KLK7: variants seen among roughly 807,000 people sequenced by gnomAD.
KLK7 encodes kallikrein-7.
A neutral mutation model predicts 21.0 loss-of-function variants in KLK7; 17 were observed. The observed-to-expected ratio is 0.81, with a 90% CI of 0.55 to 1.21. KLK7 has a LOEUF of 1.21. Among genes scored for constraint, KLK7 ranks in the 50% most tolerant of loss-of-function variants. The pLI, the probability that KLK7 is intolerant of heterozygous loss-of-function variation, is 0.00. For synonymous variants in KLK7, 151 were observed against 134.6 expected (o/e 1.12, Z -0.85); for missense variants, 330 against 322.8 (o/e 1.02, Z -0.17).
At chr19:50,978,889 G>A (rs901221266) in intron 5 of KLK7, among the ~76,000 whole-genome samples, 5 of 118,548 alleles carry the variant, frequency 4.2e-5, no homozygotes, top group Non-Finnish European at 8.5e-5. Context: ...AAAAAAGAGA[G>A]AGCAGGGGGG....
Position 50,976,901 on chromosome 19 carries a change from C to T in KLK7, c.*635G>A, listed in dbSNP as rs528359481. ...TAGTAAAAATACACAAAAAATTAGC[C>T]TGGTGTGGTGGTGCACACCTGTAGT... is the stretch of plus-strand genomic sequence containing the variant. On this transcript the variant is annotated 3_prime_UTR_variant, in exon 6 of 6. Coordinates refer to ENST00000595820, the MANE Select transcript of KLK7 (RefSeq NM_005046.4). 1 of 152,302 alleles carries T rather than the reference C, an allele frequency of 6.6e-6. No homozygotes were observed. The highest frequency in any genetic ancestry group is 6.5e-5 in the Admixed American group (1 of 15,294). The allele number at this position is 152,302 out of a possible 1,614,324, so 9.4% of individuals were successfully genotyped here. A position where few individuals can be genotyped will look rare whatever the true frequency, so the allele number is the denominator to read the frequency against.
intron 5 of KLK7, 37 bp from the exon 6 acceptor site, chr19:50,977,728 A>G (rs772516769): frequency 6.2e-7 from 1 of 1,602,340 alleles, no homozygotes; most frequent in Admixed American, 1.7e-5. Context: ...CTTTGGCTTC[A>G]GATCAAAGCC....
chr19:50,977,294 A>C lies in KLK7; in HGVS notation c.*242T>G. 4.0e-6 allele frequency: 2 copies of C among 500,468 alleles called. No homozygotes were observed. Among genetic ancestry groups the C allele is most frequent in the Non-Finnish European group, 7.1e-6 (2 of 280,808 alleles). The allele number at this position is 500,468 out of a possible 1,614,324, so 31.0% of individuals were successfully genotyped here. A position where few individuals can be genotyped will look rare whatever the true frequency, so the allele number is the denominator to read the frequency against. On this transcript the variant is annotated 3_prime_UTR_variant, in exon 6 of 6. Coordinates refer to ENST00000595820, the MANE Select transcript of KLK7 (RefSeq NM_005046.4). ...TTCCGTAAAGACTGTACGAACGTCC[A>C]GTTCCAGTGTTTGAGAGTGCTGGTC...
rs1165671685 is a variant in KLK7, at chr19:50,979,875, G to C, written c.519C>G (p.Pro173=). 1 of 1,591,374 alleles carries C rather than the reference G, an allele frequency of 6.3e-7. No individual in the cohort carries two copies. The highest frequency in any genetic ancestry group is 1.3e-5 in the African/African-American group (1 of 74,634). The part of the protein sequence containing the change: ...LMCVDVKLIS[P]QDCTKVYKDL... ...CCTTGTAAACCTTCGTGCAGTCCTG[G>C]GGGGAGATGAGCTTGACATCCACGC... The change falls in exon 5 of 6, where the codon CCC becomes CCG. Residue 173 remains proline, a synonymous_variant. Coordinates refer to ENST00000595820, the MANE Select transcript of KLK7 (RefSeq NM_005046.4).
In KLK7 at chr19:50,979,840, T is replaced by C. The variant is rs373828648; in HGVS notation, c.554A>G (p.Glu185Gly). 76 of 1,581,168 alleles carry C rather than the reference T, an allele frequency of 4.8e-5. No homozygotes were observed. The Middle Eastern group carries it at 5.0e-4, about 10-fold the overall frequency. ...GATGCCAGCGCACAGCATGGAATTT[T>C]CCAGTAAGTCCTTGTAAACCTTCGT... ...DCTKVYKDLL[E>G]NSMLCAGIPD... Residue 185 changes from glutamate (E) to glycine (G), a missense_variant, in exon 5 of 6, where the codon GAA becomes GGA. Transcript: ENST00000595820.
chr19:50,977,584 C>G lies in KLK7; in HGVS notation c.714G>C (p.Val238=), dbSNP rs1654528. 0.065 allele frequency: 104,734 copies of G among 1,613,698 alleles called. 5,223 individuals carry two copies. Among genetic ancestry groups the G allele is most frequent in the African/African-American group, 0.27 (19,972 of 74,924 alleles). The change falls in exon 6 of 6, where the codon GTG becomes GTC. Residue 238 remains valine (V), a synonymous_variant. Transcript: ENST00000595820. ...QPNDPGVYTQ[V]CKFTKWINDT... ...CATTTATCCACTTGGTGAACTTGCA[C>G]ACTTGAGTGTAGACTCCTGGGTCAT...
chr19:50,981,647 GGA>G, intron 3 of KLK7, 118 bp downstream of exon 3: 2 of 950,818 alleles, frequency 2.1e-6, no homozygotes, highest in Non-Finnish European at 3.1e-6. Flanking sequence ...CCCAGAGAGA[GGA>G]GGACAGAGAC....
At position 50,977,656 on chromosome 19, in the gene KLK7, G is replaced by T. The variant is rs1349782110; in HGVS notation, c.642C>A (p.Thr214=). ...TTCCCCAGGACACCAGACCTTGCAG[G>T]GTACCTCTGCACACCAACGGTCCCC... ...DSGGPLVCRG[T]LQGLVSWGTF... The change falls in exon 6 of 6, where the codon ACC becomes ACA. Residue 214 remains threonine, a synonymous_variant. Transcript: ENST00000595820. 6.2e-7 allele frequency: 1 copy of T among 1,613,574 alleles called. No homozygotes were observed. The highest frequency in any genetic ancestry group is 1.7e-5 in the Admixed American group (1 of 60,008).
chr19:50,982,404 C>G lies in KLK7; in HGVS notation c.-5G>C, dbSNP rs1332645122. 2 of 1,604,992 alleles carry G rather than the reference C, an allele frequency of 1.2e-6. No homozygotes were observed. Among genetic ancestry groups the G allele is most frequent in the South Asian group, 1.1e-5 (1 of 89,254 alleles). The stretch of plus-strand genomic sequence containing the variant: ...CAGGAGAAGGGATCTTGCCATGGTG[C>G]CCTGCTGAGCCGCTCAGGGGCTGCC... On this transcript the variant is annotated 5_prime_UTR_variant, in exon 2 of 6. Coordinates refer to ENST00000595820, the MANE Select transcript of KLK7 (RefSeq NM_005046.4).
chr19:50,982,526 T>TC, intron 1 of KLK7, 69 bp from the exon 2 acceptor site: 8 of 1,252,262 alleles, frequency 6.4e-6, no homozygotes, highest in Non-Finnish European at 8.2e-6. Flanking sequence ...CCCCAGCCCC[T>TC]CCCCCCACAG....
intron 1 of KLK7, among the ~76,000 whole-genome samples, 184 bp from the exon 2 acceptor site, chr19:50,982,641 C>T (rs2091099372): frequency 6.7e-6 from 1 of 149,306 alleles, no homozygotes; most frequent in South Asian, 2.1e-4. Context: ...CCCCTCCTCC[C>T]TCAGACCCAG....
At chr19:50,983,661 T>C in intron 1 of KLK7, 190 bp downstream of exon 1, 1 of 798,710 alleles carries the variant, frequency 1.3e-6, no homozygotes, top group Non-Finnish European at 1.7e-6. Context: ...TGCCCTTCCC[T>C]GTGGAACCCA....
At chr19:50,984,007 A>AC (rs1212831260), upstream of KLK7, 13 of 1,041,444 alleles carry the variant, frequency 1.2e-5, no homozygotes, top group Admixed American at 4.9e-5. Flanking sequence ...ACTCTGGGAC[A>AC]CCCCCGCCTG....
intron 2 of KLK7, 135 bp downstream of exon 2, chr19:50,982,191 CG>C: frequency 1.7e-6 from 2 of 1,166,740 alleles, no homozygotes; most frequent in Non-Finnish European, 2.5e-6. Flanking sequence ...GCAGGAAGAG[CG>C]GGGGCTTCAG....
Position 50,981,855 on chromosome 19 carries a change from C to G in KLK7, c.133G>C (p.Val45Leu). The change falls in exon 3 of 6, where the codon GTG becomes CTG. Residue 45 changes from valine (V) to leucine (L), a missense_variant. By Grantham distance (32) the Val-to-Leu change is conservative. Coordinates refer to ENST00000595820, the MANE Select transcript of KLK7 (RefSeq NM_005046.4). Reference sequence around the variant, plus strand: ...AGCTGATTGCCACTGAGCAGGGCCACCTGCCATGGGTGGGAGCCTCTTGCA... The same window carrying G: ...AGCTGATTGCCACTGAGCAGGGCCAGCTGCCATGGGTGGGAGCCTCTTGCA... ...PCARGSHPWQ[V>L]ALLSGNQLHC... 1.2e-6 allele frequency: 2 copies of G among 1,611,796 alleles called. No homozygotes were observed. Among genetic ancestry groups the G allele is most frequent in the South Asian group, 1.1e-5 (1 of 90,090 alleles).
At chr19:50,977,843 G>A (rs2091048860) in intron 5 of KLK7, 152 bp from the exon 6 acceptor site, 1 of 803,120 alleles carries the variant, frequency 1.2e-6, no homozygotes, top group South Asian at 1.8e-5. Flanking sequence ...GGACTAATGG[G>A]AGAGCTAGTG....
chr19:50,983,706 G>A, intron 1 of KLK7, 145 bp downstream of exon 1: 4 of 1,129,040 alleles, frequency 3.5e-6, no homozygotes, highest in Non-Finnish European at 4.5e-6. Context: ...TTCCCTAAAA[G>A]GCCCCAAATT....
intron 5 of KLK7, 125 bp from the exon 6 acceptor site, chr19:50,977,816 A>G: frequency 2.1e-6 from 2 of 948,606 alleles, no homozygotes; most frequent in South Asian, 3.3e-5. Context: ...CAATGAGAAG[A>G]GACTCATTGT....
Position 50,979,819 on chromosome 19 carries a change from C to T in KLK7, c.575G>A (p.Gly192Asp). The T allele has an allele frequency of 1.3e-6, 2 of 1,575,362 alleles. No individual in the cohort carries two copies. ...GGCGTTTTTCTTGGAGTCGGGGATG[C>T]CAGCGCACAGCATGGAATTTTCCAG... is the stretch of plus-strand genomic sequence containing the variant. ...DLLENSMLCAGIPDSKKNACN... is the reference protein window; with the variant it reads ...DLLENSMLCADIPDSKKNACN... The change falls in exon 5 of 6, where the codon GGC (glycine) becomes GAC (aspartate). Residue 192 changes from glycine (G) to aspartate (D), a missense_variant. Gly to Asp is a moderately conservative substitution (Grantham distance 94, BLOSUM62 -1). Transcript: ENST00000595820.
Sources: allele counts gnomAD v4.1 joint callset (sites outside exome capture counted in the v4.1 genomes callset), GRCh38; gene constraint gnomAD v4.1.1; transcripts MANE v1.5; gene names NCBI Gene and HGNC (gene_info 2026-07-23, HGNC 2026-07-21).